NUP210: variants seen among roughly 807,000 people sequenced by gnomAD.
NUP210 encodes the protein nuclear pore membrane glycoprotein 210.
NUP210 carries 151 observed loss-of-function variants against 196.0 expected under a neutral mutation model. That is an observed-to-expected ratio of 0.77 (90% CI 0.67 to 0.88). NUP210 has a LOEUF of 0.88. Ranked by LOEUF, NUP210 falls within the 40% of genes least tolerant of loss-of-function variation. The pLI is 0.00. For synonymous variants in NUP210, 1,070 were observed against 1,052.7 expected (o/e 1.02, Z -0.32); for missense variants, 2,314 against 2,493.7 (o/e 0.93, Z 1.53).
intron 13 of NUP210, among the ~76,000 whole-genome samples, chr3:13,371,623 C>T (rs545698025): frequency 9.2e-5 from 14 of 152,330 alleles, no homozygotes; most frequent in African/African-American, 2.2e-4. Context: ...TGAGGCTGAG[C>T]GAGGCCACTG....
At chr3:13,331,267 G>A (rs554000154) in intron 29 of NUP210, among the ~76,000 whole-genome samples, 11 of 152,202 alleles carry the variant, frequency 7.2e-5, no homozygotes, top group South Asian at 2.1e-4. Context: ...AAATTATGCC[G>A]TATCTGTTAC....
At chr3:13,333,942 G>T (rs537116380) in intron 28 of NUP210, among the ~76,000 whole-genome samples, 2 of 152,216 alleles carry the variant, frequency 1.3e-5, no homozygotes, top group African/African-American at 2.4e-5. Context: ...TCACTGTCAG[G>T]GAGAAAACAG....
At chr3:13,320,038 G>A (rs1008095172) in intron 36 of NUP210, 59 bp from the exon 37 acceptor site, 61 of 1,496,070 alleles carry the variant, frequency 4.1e-5, no homozygotes, top group African/African-American at 1.9e-4. Flanking sequence ...ACCACTGAGC[G>A]GGGCCTCAGG....
chr3:13,410,917 CAA>C (rs35395985), intron 1 of NUP210, among the ~76,000 whole-genome samples: 7 of 77,448 alleles, frequency 9.0e-5, no homozygotes, highest in Admixed American at 1.5e-4. Flanking sequence ...GACTCTGTCT[CAA>C]AAAAAAAAAA....
rs1392630043 is a variant in NUP210, at chr3:13,319,287, G to A, written c.5422C>T (p.Gln1808Ter). The A allele has an allele frequency of 4.3e-6, 7 of 1,612,876 alleles. No homozygotes were observed. Among genetic ancestry groups the A allele is most frequent in the Non-Finnish European group, 5.9e-6 (7 of 1,179,494 alleles). ...SLFQHFLDSYQVMFFTLFALL... is the reference protein window; with the variant it reads ...SLFQHFLDSY ...GCGAAGAGCGTGAAGAACATGACCT[G>A]GTAGGAATCCAGGAAGTGCTGGAAG... Residue 1808 changes from glutamine (Q) to a stop codon, truncating the protein, a stop_gained, in exon 38 of 40, where the codon CAG becomes TAG. Coordinates refer to ENST00000254508, the MANE Select transcript of NUP210 (RefSeq NM_024923.4). LOFTEE classifies it high-confidence loss of function.
chr3:13,405,825 G>A (rs1476440583), intron 1 of NUP210, among the ~76,000 whole-genome samples: 1 of 152,124 alleles, frequency 6.6e-6, no homozygotes, highest in African/African-American at 2.4e-5. Context: ...AGCTAGGCCT[G>A]GGTGACTCCA....
chr3:13,332,413 A>C (rs1329145857), intron 28 of NUP210, 29 bp from the exon 29 acceptor site: 2 of 1,554,350 alleles, frequency 1.3e-6, no homozygotes, highest in Admixed American at 3.3e-5. Flanking sequence ...TTCACTTCCG[A>C]TGGGGCACTG....
chr3:13,416,822 G>T (rs4684135), intron 1 of NUP210, among the ~76,000 whole-genome samples: 1 of 151,980 alleles, frequency 6.6e-6, no homozygotes, highest in Admixed American at 6.5e-5. Context: ...CAAATAACCA[G>T]GTTCAAGGCA....
At chr3:13,345,499 G>A (rs1231239063) in intron 20 of NUP210, among the ~76,000 whole-genome samples, 2 of 152,198 alleles carry the variant, frequency 1.3e-5, no homozygotes, top group African/African-American at 4.8e-5. Flanking sequence ...GTGGACAAAA[G>A]CAAAGGCCTA....
rs913127440 is a variant in NUP210 at position 13,319,873 on chromosome 3, C to A, written c.5273G>T (p.Ser1758Ile). The change falls in exon 37 of 40, where the codon AGC becomes ATC. Residue 1758 changes from serine to isoleucine, a missense_variant. By Grantham distance (142) the Ser-to-Ile change is moderately radical. Coordinates refer to ENST00000254508, the MANE Select transcript of NUP210 (RefSeq NM_024923.4). ...TVGVLDPAAGSQGPLSTTLTF... is the reference protein window; with the variant it reads ...TVGVLDPAAGIQGPLSTTLTF... ...CAGGGTAGTGGACAGAGGCCCTTGG[C>A]TGCCAGCCGCGGGGTCCAAGACGCC... is the stretch of plus-strand genomic sequence containing the variant. 1.2e-6 allele frequency: 2 copies of A among 1,614,212 alleles called. No homozygotes were observed. Among genetic ancestry groups the A allele is most frequent in the African/African-American group, 2.7e-5 (2 of 75,060 alleles).
chr3:13,345,995 A>G (rs1327514262), intron 20 of NUP210, among the ~76,000 whole-genome samples: 1 of 152,236 alleles, frequency 6.6e-6, no homozygotes, highest in Non-Finnish European at 1.5e-5. Context: ...AGCCCCACGC[A>G]GGGCAACACA....
At chr3:13,404,394 TA>T (rs1190680247) in intron 1 of NUP210, among the ~76,000 whole-genome samples, 2 of 152,178 alleles carry the variant, frequency 1.3e-5, no homozygotes, top group Non-Finnish European at 2.9e-5. Flanking sequence ...TTTATTTCTT[TA>T]AAAAAAGAAT....
chr3:13,382,158 C>CA (rs1181117945), intron 6 of NUP210, among the ~76,000 whole-genome samples: 3 of 152,228 alleles, frequency 2.0e-5, no homozygotes, highest in Non-Finnish European at 4.4e-5. Flanking sequence ...AAGTTCTCTT[C>CA]AGATACTGAT....
At chr3:13,373,635 G>C (rs1698802112) in intron 12 of NUP210, 83 bp downstream of exon 12, 10 of 1,447,300 alleles carry the variant, frequency 6.9e-6, no homozygotes, top group Admixed American at 1.7e-5. Flanking sequence ...GTGTTTCTGA[G>C]TGAAGTCGAG....
chr3:13,319,934 A>C lies in NUP210; in HGVS notation c.5212T>G (p.Ser1738Ala). ...PAVLAFAKEK[S>A]FGWPSFITYT... ...GTGATGAAGCTGGGCCACCCAAAAG[A>C]CTTCTCCTTTGCGAATGCCAGCACG... Residue 1738 changes from serine (S) to alanine (A), a missense_variant, in exon 37 of 40, where the codon TCT becomes GCT. Physicochemically the swap from Ser to Ala is moderately conservative, Grantham distance 99. Transcript: ENST00000254508. 3.1e-6 allele frequency: 5 copies of C among 1,614,030 alleles called. No individual in the cohort carries two copies. Among genetic ancestry groups the C allele is most frequent in the Non-Finnish European group, 4.2e-6 (5 of 1,180,014 alleles).
At chr3:13,413,157 C>G (rs139421743) in intron 1 of NUP210, among the ~76,000 whole-genome samples, 1 of 151,530 alleles carries the variant, frequency 6.6e-6, no homozygotes, top group African/African-American at 2.4e-5. Context: ...CCCAGCTACT[C>G]AGGAGGATGA....
At chr3:13,363,901 G>A (rs1347382803) in intron 14 of NUP210, among the ~76,000 whole-genome samples, 2 of 152,160 alleles carry the variant, frequency 1.3e-5, no homozygotes, top group Non-Finnish European at 2.9e-5. Context: ...CCAGAGCCAG[G>A]AGGGGCCCTG....
chr3:13,377,380 G>A (rs528658847), intron 9 of NUP210, 76 bp downstream of exon 9: 1 of 1,038,930 alleles, frequency 9.6e-7, no homozygotes. Context: ...TGTTGCTTTG[G>A]GGGCTGCTCT....
chr3:13,375,602 G>T lies in NUP210; in HGVS notation c.1333C>A (p.Gln445Lys), dbSNP rs1698876693. The T allele has an allele frequency of 3.1e-6, 5 of 1,613,920 alleles. No individual in the cohort carries two copies. The highest frequency in any genetic ancestry group is 2.2e-5 in the South Asian group (2 of 91,080). Residue 445 changes from glutamine to lysine, a missense_variant, in exon 11 of 40, where the codon CAG (glutamine) becomes AAG (lysine). By Grantham distance (53) the Gln-to-Lys change is moderately conservative. Transcript: ENST00000254508. ...VHILQVPVWN[Q>K]QEVEIHIPIT... ...GGGATGTGAATTTCCACCTCCTGCTGGTTCCACACAGGCACCTGTAGTATG... is the reference window on the plus strand; with the variant it reads ...GGGATGTGAATTTCCACCTCCTGCTTGTTCCACACAGGCACCTGTAGTATG...
Sources: allele counts gnomAD v4.1 joint callset (sites outside exome capture counted in the v4.1 genomes callset), GRCh38; gene constraint gnomAD v4.1.1; transcripts MANE v1.5; gene names NCBI Gene and HGNC (gene_info 2026-07-23, HGNC 2026-07-21).